TRPC4AP: variants seen among roughly 807,000 people sequenced by gnomAD.
TRPC4AP encodes the protein transient receptor potential cation channel subfamily C member 4 associated protein.
A neutral mutation model predicts 99.0 loss-of-function variants in TRPC4AP; 45 were observed. The observed-to-expected ratio is 0.45, with a 90% confidence interval of 0.36 to 0.58. TRPC4AP has a LOEUF of 0.58. Among genes scored for constraint, TRPC4AP ranks in the 20% least tolerant of loss-of-function variants. The pLI is 0.00. For synonymous variants in TRPC4AP, 408 were observed against 385.8 expected (o/e 1.06, Z -0.67); for missense variants, 879 against 985.3 (o/e 0.89, Z 1.44).
intron 16 of TRPC4AP, among the ~76,000 whole-genome samples, chr20:35,005,362 A>G (rs2082494959): frequency 6.6e-6 from 1 of 152,206 alleles, no homozygotes; most frequent in African/African-American, 2.4e-5. Context: ...GAGGGTTCAG[A>G]TGCCTGCTGC....
rs2085106691 is a variant in TRPC4AP, at chr20:35,092,598, T to C, written c.168+16A>G. 1 of 760,002 alleles carries C rather than the reference T, an allele frequency of 1.3e-6. No homozygotes were observed. Among genetic ancestry groups the C allele is most frequent in the East Asian group, 1.0e-4 (1 of 9,750 alleles). 47.1% of individuals were successfully genotyped at this position (760,002 alleles called of 1,614,324 possible). A position where few individuals can be genotyped will look rare whatever the true frequency, so the allele number is the denominator to read the frequency against. ...CTGGTCCGCCCCGCCCCGCCCCTCCTGGTCCAGCCTCGTACCTGCACCGCC... is the reference window on the plus strand; with the variant it reads ...CTGGTCCGCCCCGCCCCGCCCCTCCCGGTCCAGCCTCGTACCTGCACCGCC... On this transcript the variant is annotated intron_variant, in intron 1 of 18. Transcript: ENST00000252015.
chr20:35,084,417 A>G (rs2084742360), intron 1 of TRPC4AP, among the ~76,000 whole-genome samples: 1 of 151,480 alleles, frequency 6.6e-6, no homozygotes, highest in South Asian at 2.1e-4. Flanking sequence ...TAAAGGATGC[A>G]CTATTATGCT....
In TRPC4AP at chr20:35,008,810, T is replaced by C. The variant is rs910415141; in HGVS notation, c.1512-63A>G. 11 of 1,468,962 alleles carry C rather than the reference T, an allele frequency of 7.5e-6. No individual in the cohort carries two copies. The African/African-American group carries it at 1.3e-4, about 17-fold the overall frequency. 91.0% of individuals were successfully genotyped at this position (1,468,962 alleles called of 1,614,324 possible). A position where few individuals can be genotyped will look rare whatever the true frequency, so the allele number is the denominator to read the frequency against. ...GGCTGACAGGGGCCCTGGGGATGGGTCATTCTGCTGGCTTAGGCGGTGAAA... is the reference window on the plus strand; with the variant it reads ...GGCTGACAGGGGCCCTGGGGATGGGCCATTCTGCTGGCTTAGGCGGTGAAA... On this transcript the variant is annotated intron_variant, in intron 12 of 18. Coordinates refer to ENST00000252015, the MANE Select transcript of TRPC4AP (RefSeq NM_015638.3).
At chr20:35,025,603 G>GT (rs373722628) in intron 8 of TRPC4AP, among the ~76,000 whole-genome samples, 3 of 152,048 alleles carry the variant, frequency 2.0e-5, no homozygotes, top group East Asian at 1.9e-4. Flanking sequence ...TTTGAAATGG[G>GT]TTTTTTTATT....
chr20:35,026,077 T>C (rs895315889), intron 8 of TRPC4AP, among the ~76,000 whole-genome samples: 5 of 152,316 alleles, frequency 3.3e-5, no homozygotes, highest in South Asian at 2.1e-4. Flanking sequence ...TGAAAATCAA[T>C]TGATCATAAT....
chr20:35,029,057 G>T (rs1302008035), intron 8 of TRPC4AP, among the ~76,000 whole-genome samples: 1 of 152,102 alleles, frequency 6.6e-6, no homozygotes, highest in African/African-American at 2.4e-5. Context: ...AGACCAACCT[G>T]GCCAACATGC....
chr20:35,069,935 T>A (rs1482220162), intron 2 of TRPC4AP, among the ~76,000 whole-genome samples: 1 of 152,024 alleles, frequency 6.6e-6, no homozygotes, highest in Non-Finnish European at 1.5e-5. Flanking sequence ...AGGGAGACTC[T>A]GTCATTAAAA....
At chr20:35,044,358 C>T in intron 7 of TRPC4AP, 147 bp downstream of exon 7, 1 of 825,210 alleles carries the variant, frequency 1.2e-6, no homozygotes, top group Non-Finnish European at 1.8e-6. Flanking sequence ...TGCCACTGCA[C>T]TCCTGCCTGG....
At position 35,049,850 on chromosome 20, in the gene TRPC4AP, A is replaced by C; in HGVS notation, c.657+16T>G. The C allele has an allele frequency of 1.2e-6, 2 of 1,609,148 alleles. No homozygotes were observed. Among genetic ancestry groups the C allele is most frequent in the Non-Finnish European group, 1.7e-6 (2 of 1,177,082 alleles). Reference sequence around the variant, plus strand: ...GACACCCTTCCCCATCTGGTCAGCTAGAGGACACAGCTCACCTTTTTAACA... The same window carrying C: ...GACACCCTTCCCCATCTGGTCAGCTCGAGGACACAGCTCACCTTTTTAACA... On this transcript the variant is annotated intron_variant, in intron 6 of 18. Coordinates refer to ENST00000252015, the MANE Select transcript of TRPC4AP (RefSeq NM_015638.3).
intron 7 of TRPC4AP, among the ~76,000 whole-genome samples, chr20:35,039,966 AT>A (rs2083409803): frequency 6.6e-6 from 1 of 151,502 alleles, no homozygotes; most frequent in African/African-American, 2.4e-5. Flanking sequence ...GTAAATCATT[AT>A]TTTTGCTAGA....
At chr20:35,006,693 C>T (rs970435761) in intron 14 of TRPC4AP, 118 bp from the exon 15 acceptor site, 1 of 1,336,856 alleles carries the variant, frequency 7.5e-7, no homozygotes, top group Non-Finnish European at 1.0e-6. Context: ...ACTGGCAACA[C>T]TGTCTAGATT....
chr20:35,018,974 C>G (rs192355623), intron 9 of TRPC4AP, among the ~76,000 whole-genome samples: 2 of 152,332 alleles, frequency 1.3e-5, no homozygotes, highest in African/African-American at 2.4e-5. Flanking sequence ...CTAAAAGAAA[C>G]GACTGCTATA....
At chr20:35,076,263 T>C (rs919775600) in intron 2 of TRPC4AP, among the ~76,000 whole-genome samples, 1 of 150,844 alleles carries the variant, frequency 6.6e-6, no homozygotes, top group African/African-American at 2.4e-5. Flanking sequence ...TTCTCTCAAC[T>C]CATCAAAGTC....
At chr20:35,051,776 A>G (rs973192853) in intron 5 of TRPC4AP, among the ~76,000 whole-genome samples, 4 of 152,214 alleles carry the variant, frequency 2.6e-5, no homozygotes, top group African/African-American at 9.6e-5. Flanking sequence ...CACTTTCTCA[A>G]AGCTTAAAAA....
chr20:35,069,385 C>T lies in TRPC4AP; in HGVS notation c.325G>A (p.Ala109Thr). 1 of 1,611,878 alleles carries T rather than the reference C, an allele frequency of 6.2e-7. No homozygotes were observed. Among genetic ancestry groups the T allele is most frequent in the Non-Finnish European group, 8.5e-7 (1 of 1,178,374 alleles). ...CTCTCTTCAGTAACAAATGCCATAGCCTCCATGGAGAGAAGAGGAGAAATT... is the reference window on the plus strand; with the variant it reads ...CTCTCTTCAGTAACAAATGCCATAGTCTCCATGGAGAGAAGAGGAGAAATT... ...KEISPLLSMEAMAFVTEERKL... is the reference protein window; with the variant it reads ...KEISPLLSMETMAFVTEERKL... Residue 109 changes from alanine (A) to threonine (T), a missense_variant, in exon 3 of 19, where the codon GCT becomes ACT. By Grantham distance (58) the Ala-to-Thr change is moderately conservative. Around this residue, in one of 3 missense-constraint regions of TRPC4AP, gnomAD observed 603 missense variants for 631.8 expected, o/e 0.95. Transcript: ENST00000252015.
In TRPC4AP at chr20:35,004,466, G is replaced by C; in HGVS notation, c.2041C>G (p.Leu681Val). 2 of 1,613,334 alleles carry C rather than the reference G, an allele frequency of 1.2e-6. No homozygotes were observed. The highest frequency in any genetic ancestry group is 1.7e-6 in the Non-Finnish European group (2 of 1,179,574). Residue 681 changes from leucine to valine, a missense_variant, in exon 17 of 19, where the codon CTG (leucine) becomes GTG (valine). Leu to Val is a conservative substitution (Grantham distance 32, BLOSUM62 1). Transcript: ENST00000252015. ...RLINIIHVQT[L>V]TQENVSCLNT... The stretch of plus-strand genomic sequence containing the variant: ...CTGCCGGGGCCTCTCACCTGGGTCA[G>C]CGTCTGCACGTGGATGATGTTGATG...
intron 2 of TRPC4AP, among the ~76,000 whole-genome samples, chr20:35,077,628 C>T (rs2084518201): frequency 6.6e-6 from 1 of 152,192 alleles, no homozygotes; most frequent in Non-Finnish European, 1.5e-5. Flanking sequence ...ATTTCCCAAT[C>T]ATCAAACCTG....
At chr20:35,083,676 T>C (rs1360953943) in intron 1 of TRPC4AP, among the ~76,000 whole-genome samples, 1 of 146,972 alleles carries the variant, frequency 6.8e-6, no homozygotes. Flanking sequence ...AAACTAAATA[T>C]ATGTGTCAGA....
intron 8 of TRPC4AP, among the ~76,000 whole-genome samples, chr20:35,023,409 C>G (rs2082941082): frequency 6.6e-6 from 1 of 152,216 alleles, no homozygotes; most frequent in Admixed American, 6.5e-5. Context: ...GTTAAGTTCT[C>G]AGAAAACTGA....
Sources: allele counts gnomAD v4.1 joint callset (sites outside exome capture counted in the v4.1 genomes callset), GRCh38; gene constraint gnomAD v4.1.1; regional missense constraint gnomAD v4.1.1; transcripts MANE v1.5; gene names NCBI Gene and HGNC (gene_info 2026-07-23, HGNC 2026-07-21).